Variants in GPR158 observed in about 807,000 individuals in gnomAD.
The protein encoded by GPR158 is G protein-coupled receptor 158.
GPR158 carries 30 observed loss-of-function variants against 78.2 expected under a neutral mutation model. The ratio of observed to expected loss-of-function variants is 0.38; its 90% CI spans 0.29 to 0.52. GPR158 has a LOEUF of 0.52. Ranked by LOEUF, GPR158 falls within the 20% of genes least tolerant of loss-of-function variation. GPR158 has a pLI of 0.83. For synonymous variants in GPR158, 581 were observed against 591.1 expected (o/e 0.98, Z 0.25); for missense variants, 1,463 against 1,523.5 (o/e 0.96, Z 0.66).
intron 2 of GPR158, among the ~76,000 whole-genome samples, chr10:25,280,135 TAAAC>T (rs1303293403): frequency 2.0e-5 from 3 of 152,178 alleles, no homozygotes; most frequent in East Asian, 1.9e-4. Context: ...AATTCACTAA[TAAAC>T]AACGGTAAAA....
At chr10:25,541,621 A>G (rs1219121435) in intron 5 of GPR158, among the ~76,000 whole-genome samples, 1 of 151,952 alleles carries the variant, frequency 6.6e-6, no homozygotes, top group African/African-American at 2.4e-5. Flanking sequence ...AAATTTTAGA[A>G]CACACCACAG....
intron 4 of GPR158, among the ~76,000 whole-genome samples, chr10:25,418,111 T>C (rs1179662829): frequency 6.6e-6 from 1 of 152,148 alleles, no homozygotes; most frequent in Non-Finnish European, 1.5e-5. Context: ...GTAGGGGTAA[T>C]AGAGAGTTCT....
intron 5 of GPR158, among the ~76,000 whole-genome samples, chr10:25,518,251 ATTC>A (rs1201770107): frequency 1.7e-4 from 14 of 82,528 alleles, no homozygotes; most frequent in East Asian, 4.1e-4. Context: ...TGTCTATTTG[ATTC>A]TTCTCTCTTT....
intron 5 of GPR158, among the ~76,000 whole-genome samples, chr10:25,507,390 T>C (rs554024401): frequency 6.6e-6 from 1 of 152,324 alleles, no homozygotes; most frequent in Admixed American, 6.5e-5. Flanking sequence ...TTCAGAGATG[T>C]TTCTGTCTGT....
intron 2 of GPR158, among the ~76,000 whole-genome samples, chr10:25,355,424 G>A (rs1275821977): frequency 6.6e-6 from 1 of 151,946 alleles, no homozygotes; most frequent in Non-Finnish European, 1.5e-5. Context: ...TTTTTGAATT[G>A]CTTTTCTATG....
In GPR158 at chr10:25,175,855, G is replaced by A; in HGVS notation, c.435G>A (p.Ser145=). The A allele has an allele frequency of 9.9e-6, 16 of 1,613,766 alleles. No individual in the cohort carries two copies. Among genetic ancestry groups the A allele is most frequent in the Non-Finnish European group, 1.4e-5 (16 of 1,180,002 alleles). Residue 145 remains serine (S), a synonymous_variant, in exon 1 of 11, where the codon TCG becomes TCA. Coordinates refer to ENST00000376351, the MANE Select transcript of GPR158 (RefSeq NM_020752.3). This position sits in a 1 kb window ranked among gnomAD's most constrained non-coding sequence, Gnocchi z 6.4. The part of the protein sequence containing the change: ...FLNVMLQSNK[S]REQNLQDDLD... ...ACGTGATGCTGCAGAGCAATAAGTC[G>A]CGGGAGCAGAACTTGCAGGACGACC... is the stretch of plus-strand genomic sequence containing the variant.
chr10:25,214,122 G>A (rs1306623347), intron 1 of GPR158, among the ~76,000 whole-genome samples: 4 of 151,980 alleles, frequency 2.6e-5, no homozygotes, highest in African/African-American at 9.7e-5. Context: ...AGCTTCCCGA[G>A]TAGCTGGGAC....
intron 10 of GPR158, among the ~76,000 whole-genome samples, 154 bp downstream of exon 10, chr10:25,596,943 A>C (rs75932918): frequency 0.016 from 2,377 of 152,328 alleles, 41 homozygotes; most frequent in African/African-American, 0.054. Flanking sequence ...TATGAACTGA[A>C]GATGTCAAAT....
chr10:25,318,002 C>T lies in GPR158; in HGVS notation c.1009-77909C>T, dbSNP rs117059876. Among the ~76,000 whole-genome samples, 201 of 152,242 alleles carry T rather than the reference C, an allele frequency of 1.3e-3. 3 individuals carry two copies. The East Asian group carries it at 0.03, about 22-fold the overall frequency. On this transcript the variant is annotated intron_variant, in intron 2 of 10. Coordinates refer to ENST00000376351, the MANE Select transcript of GPR158 (RefSeq NM_020752.3). The stretch of plus-strand genomic sequence containing the variant: ...CCTCCCAAAGTGCTAGGATTACAAG[C>T]GTGAGTCACCGTGCCTGGCCCATAA...
intron 10 of GPR158, 121 bp from the exon 11 acceptor site, chr10:25,597,651 G>A: frequency 1.7e-6 from 1 of 602,338 alleles, no homozygotes; most frequent in Non-Finnish European, 2.7e-6. Flanking sequence ...GTCAGAGAAA[G>A]CTGTAGAGCA....
chr10:25,569,017 T>A (rs547201292), intron 6 of GPR158, among the ~76,000 whole-genome samples: 1 of 152,298 alleles, frequency 6.6e-6, no homozygotes, highest in East Asian at 1.9e-4. Context: ...TTTAAGACAA[T>A]CCTAGAAAAA....
At position 25,433,411 on chromosome 10, in the gene GPR158, C is replaced by T. The variant is rs150010211; in HGVS notation, c.1335+20938C>T. Among the ~76,000 whole-genome samples, 1,203 of 152,100 alleles carry T rather than the reference C, an allele frequency of 7.9e-3. 16 individuals are homozygous for T. Among genetic ancestry groups the T allele is most frequent in the African/African-American group, 0.028 (1,157 of 41,482 alleles). The stretch of plus-strand genomic sequence containing the variant: ...AATAAATTAAGTTCTTCCATAGCAC[C>T]AGTTTAATGGTTTTATATGTTCCTT... On this transcript the variant is annotated intron_variant, in intron 4 of 10. Coordinates refer to ENST00000376351, the MANE Select transcript of GPR158 (RefSeq NM_020752.3).
chr10:25,575,524 G>A (rs984607668), intron 7 of GPR158, among the ~76,000 whole-genome samples: 2 of 151,998 alleles, frequency 1.3e-5, no homozygotes, highest in African/African-American at 2.4e-5. Context: ...AGACACTCCC[G>A]GATAGTGGAG....
chr10:25,198,830 T>C (rs1335101266), intron 1 of GPR158, among the ~76,000 whole-genome samples: 2 of 152,062 alleles, frequency 1.3e-5, no homozygotes, highest in African/African-American at 4.8e-5. Context: ...TGATTAGTAT[T>C]AATATAACTA....
At chr10:25,417,177 G>C (rs961230898) in intron 4 of GPR158, among the ~76,000 whole-genome samples, 1 of 152,140 alleles carries the variant, frequency 6.6e-6, no homozygotes, top group Non-Finnish European at 1.5e-5. Flanking sequence ...TGAATGATGA[G>C]CATTCTTACA....
chr10:25,594,283 T>G lies in GPR158; in HGVS notation c.1893-9T>G. Reference sequence around the variant, plus strand: ...CTTGGATTGTTAACTCAATGAATTCTCATTTCAGATTTGTTCTTGCCTCAA... The same window carrying G: ...CTTGGATTGTTAACTCAATGAATTCGCATTTCAGATTTGTTCTTGCCTCAA... On this transcript the variant is annotated splice_polypyrimidine_tract_variant and intron_variant, in intron 8 of 10. Coordinates refer to ENST00000376351, the MANE Select transcript of GPR158 (RefSeq NM_020752.3). The G allele has an allele frequency of 7.4e-7, 1 of 1,355,268 alleles. No homozygotes were observed. Among genetic ancestry groups the G allele is most frequent in the Non-Finnish European group, 1.1e-6 (1 of 945,062 alleles). The allele number at this position is 1,355,268 out of a possible 1,614,324, so 84.0% of individuals were successfully genotyped here.
chr10:25,247,668 G>C (rs1853715246), intron 2 of GPR158, among the ~76,000 whole-genome samples: 2 of 149,848 alleles, frequency 1.3e-5, no homozygotes, highest in Admixed American at 6.7e-5. Context: ...TGGCTGCATA[G>C]TATTCCATGG....
intron 3 of GPR158, among the ~76,000 whole-genome samples, chr10:25,405,911 C>T (rs1834508443): frequency 6.6e-6 from 1 of 151,996 alleles, no homozygotes. Flanking sequence ...CAAGTTAGTT[C>T]ACTTTTCCAT....
chr10:25,428,414 G>A (rs1462327229), intron 4 of GPR158, among the ~76,000 whole-genome samples: 1 of 151,944 alleles, frequency 6.6e-6, no homozygotes, highest in Non-Finnish European at 1.5e-5. Flanking sequence ...AAGATTAGCT[G>A]GCACTGATGA....
Sources: allele counts gnomAD v4.1 joint callset (sites outside exome capture counted in the v4.1 genomes callset), GRCh38; gene constraint gnomAD v4.1.1; non-coding constraint Gnocchi (gnomAD v3.1); transcripts MANE v1.5; gene names NCBI Gene and HGNC (gene_info 2026-07-23, HGNC 2026-07-21).